Variants in ZDHHC15 observed in about 807,000 individuals in gnomAD.
ZDHHC15 encodes zDHHC palmitoyltransferase 15.
A neutral mutation model predicts 31.7 loss-of-function variants in ZDHHC15; 19 were observed. That is an observed-to-expected ratio of 0.60 (90% confidence interval 0.42 to 0.88). The LOEUF (loss-of-function observed/expected upper bound fraction) is 0.88, where lower values mean the gene tolerates loss of function less well. Among genes scored for constraint, ZDHHC15 ranks in the 40% least tolerant of loss-of-function variants. The pLI, the probability that ZDHHC15 is intolerant of heterozygous loss-of-function variation, is 0.00. For synonymous variants in ZDHHC15, 103 were observed against 90.0 expected (o/e 1.14, Z -0.82); for missense variants, 209 against 251.2 (o/e 0.83, Z 1.14).
intron 10 of ZDHHC15, among the ~76,000 whole-genome samples, chrX:75,391,803 AAC>A (rs1461301178): frequency 3.6e-5 from 4 of 112,190 alleles, no homozygotes; most frequent in East Asian, 2.8e-4. Context: ...GCACACAGAA[AAC>A]ACAGAATATT....
intron 10 of ZDHHC15, among the ~76,000 whole-genome samples, chrX:75,406,524 C>T (rs1169024153): frequency 1.8e-5 from 2 of 110,230 alleles, no homozygotes; most frequent in African/African-American, 3.3e-5. Context: ...ACAACTGATG[C>T]CACAGAAATA....
intron 3 of ZDHHC15, among the ~76,000 whole-genome samples, chrX:75,476,356 C>T (rs1209807953): frequency 2.7e-5 from 3 of 110,059 alleles, no homozygotes; most frequent in African/African-American, 9.9e-5. Context: ...TCTTTGTTGG[C>T]AGGTTTTTGA....
intron 4 of ZDHHC15, among the ~76,000 whole-genome samples, chrX:75,433,728 T>C (rs1345495085): frequency 1.8e-5 from 2 of 108,199 alleles, no homozygotes; most frequent in Non-Finnish European, 3.8e-5. Flanking sequence ...TGTAACATTT[T>C]CTTTATTCAC....
At chrX:75,448,274 G>A (rs745924621) in intron 4 of ZDHHC15, among the ~76,000 whole-genome samples, 9 of 112,034 alleles carry the variant, frequency 8.0e-5, no homozygotes, top group Non-Finnish European at 1.1e-4. Context: ...GGGTCACCAC[G>A]TCAGGTAAAA....
chrX:75,510,066 A>G (rs2085236585), intron 1 of ZDHHC15, among the ~76,000 whole-genome samples: 1 of 111,852 alleles, frequency 8.9e-6, no homozygotes, highest in Non-Finnish European at 1.9e-5. Context: ...GTTGAAAGTT[A>G]GCTAATCAGG....
At chrX:75,481,802 C>T (rs961721517) in intron 2 of ZDHHC15, among the ~76,000 whole-genome samples, 1 of 111,818 alleles carries the variant, frequency 8.9e-6, no homozygotes, top group Admixed American at 9.5e-5. Flanking sequence ...CAGTGATTCT[C>T]AAATTTCAGT....
intron 2 of ZDHHC15, among the ~76,000 whole-genome samples, chrX:75,484,721 A>G (rs749742664): frequency 2.5e-4 from 28 of 112,017 alleles, no homozygotes; most frequent in Non-Finnish European, 4.7e-4. Flanking sequence ...CTAGGTATTT[A>G]CTCAAGAGAA....
At chrX:75,452,807 A>G (rs904999400) in intron 3 of ZDHHC15, among the ~76,000 whole-genome samples, 5 of 112,147 alleles carry the variant, frequency 4.5e-5, no homozygotes, top group African/African-American at 1.6e-4. Flanking sequence ...AAATGGAGGC[A>G]GAAATAAAGA....
At chrX:75,496,701 G>T (rs2085005304) in intron 2 of ZDHHC15, among the ~76,000 whole-genome samples, 1 of 111,355 alleles carries the variant, frequency 9.0e-6, no homozygotes, top group African/African-American at 3.3e-5. Flanking sequence ...ACTCCAAAAG[G>T]AACCTTCAAA....
intron 10 of ZDHHC15, among the ~76,000 whole-genome samples, chrX:75,413,443 C>T (rs1195938196): frequency 9.0e-6 from 1 of 111,098 alleles, no homozygotes; most frequent in Non-Finnish European, 1.9e-5. Context: ...ACTACTGAAA[C>T]AATAAAGAAA....
At position 75,373,756 on chromosome X, in the gene ZDHHC15, T is replaced by C. The variant is rs143001428; in HGVS notation, c.*33-811A>G. ...TATTTTGATACATGCATGCAATGCA[T>C]AATCATCACATTTTGGTAAATGAGG... On this transcript the variant is annotated intron_variant, in intron 11 of 11. Transcript: ENST00000373367. Among the ~76,000 whole-genome samples, 6 of 111,030 alleles carry C rather than the reference T, an allele frequency of 5.4e-5. No individual in the cohort carries two copies. In the East Asian group the frequency reaches 1.7e-3, roughly 31 times the overall value.
intron 3 of ZDHHC15, among the ~76,000 whole-genome samples, chrX:75,472,916 G>T (rs1391462210): frequency 8.9e-6 from 1 of 111,996 alleles, no homozygotes; most frequent in Non-Finnish European, 1.9e-5. Context: ...CTGGTGGCAG[G>T]TTGATTATAC....
At chrX:75,456,782 G>A (rs1488519103) in intron 3 of ZDHHC15, among the ~76,000 whole-genome samples, 1 of 111,326 alleles carries the variant, frequency 9.0e-6, no homozygotes, top group African/African-American at 3.3e-5. Flanking sequence ...CTCTCTGAGA[G>A]CAGTTGGGTC....
At chrX:75,489,370 C>T (rs1416072084) in intron 2 of ZDHHC15, among the ~76,000 whole-genome samples, 1 of 111,552 alleles carries the variant, frequency 9.0e-6, no homozygotes, top group African/African-American at 3.3e-5. Context: ...ACTGACATGG[C>T]AGGGCACTCC....
chrX:75,503,400 A>G (rs2085115291), intron 2 of ZDHHC15, among the ~76,000 whole-genome samples: 1 of 111,340 alleles, frequency 9.0e-6, no homozygotes, highest in African/African-American at 3.2e-5. Flanking sequence ...GCTTCTTAGA[A>G]GAGAGATCTT....
chrX:75,487,467 C>T (rs2084795941), intron 2 of ZDHHC15, among the ~76,000 whole-genome samples: 1 of 111,655 alleles, frequency 9.0e-6, no homozygotes, highest in Non-Finnish European at 1.9e-5. Flanking sequence ...AAGCTGTATC[C>T]CTGGAGAAAG....
intron 1 of ZDHHC15, among the ~76,000 whole-genome samples, chrX:75,513,272 G>T (rs1217064085): frequency 8.9e-6 from 1 of 111,897 alleles, no homozygotes; most frequent in Non-Finnish European, 1.9e-5. Context: ...CTTTCAAGTA[G>T]AATTATATCA....
In ZDHHC15 at chrX:75,393,048, G is replaced by A. The variant is rs765483164; in HGVS notation, c.968-13850C>T. On this transcript the variant is annotated intron_variant, in intron 10 of 11. Transcript: ENST00000373367. ...AGTTTCCCATTGACCATAATCACAG[G>A]GCATGGTAATACTAACAGACGCCCT... Among the ~76,000 whole-genome samples, 6 of 110,019 alleles carry A rather than the reference G, an allele frequency of 5.5e-5. No homozygotes were observed. In the Admixed American group the frequency reaches 5.8e-4, roughly 11 times the overall value.
rs766817298 is a variant in ZDHHC15 at position 75,388,794 on chromosome X, G to T, written c.968-9596C>A. 3.6e-5 allele frequency among the ~76,000 whole-genome samples: 4 copies of T among 111,762 alleles called. No individual in the cohort carries two copies. The South Asian group carries it at 1.5e-3, about 42-fold the overall frequency. ...TTAAAAGCATAGAAGAGACTGGGTG[G>T]AGCAAGATGGCTGAATAGATGCCTC... On this transcript the variant is annotated intron_variant, in intron 10 of 11. Coordinates refer to ENST00000373367, the MANE Select transcript of ZDHHC15 (RefSeq NM_144969.3).
Sources: gnomAD v4.1 joint callset for allele counts (sites outside exome capture counted in the v4.1 genomes callset) on GRCh38, gnomAD v4.1.1 for gene constraint, MANE v1.5 for transcripts, NCBI Gene and HGNC (gene_info 2026-07-23, HGNC 2026-07-21) for gene names.